SORBS2: variants seen among roughly 807,000 people sequenced by gnomAD.
SORBS2 encodes sorbin and SH3 domain containing 2.
A neutral mutation model predicts 97.7 loss-of-function variants in SORBS2; 46 were observed. The observed-to-expected ratio is 0.47, with a 90% CI of 0.37 to 0.60. The LOEUF is 0.60. Ranked by LOEUF, SORBS2 falls within the 20% of genes least tolerant of loss-of-function variation. The pLI, the probability that SORBS2 is intolerant of heterozygous loss-of-function variation, is 0.00. For missense variants in SORBS2, 1,316 were observed against 1,282.3 expected, an observed-to-expected ratio of 1.03 and a Z score of -0.40; for synonymous variants, 476 against 473.4, an observed-to-expected ratio of 1.01 and a Z score of -0.07.
chr4:185,839,481 G>A (rs1348485923), intron 1 of SORBS2, among the ~76,000 whole-genome samples: 1 of 152,164 alleles, frequency 6.6e-6, no homozygotes, highest in East Asian at 1.9e-4. Context: ...GATCTTTTCT[G>A]CTGCATTTAC....
At chr4:185,665,998 T>G in intron 4 of SORBS2, 11 of 1,286,896 alleles carry the variant, frequency 8.5e-6, no homozygotes, top group Non-Finnish European at 1.0e-5. Context: ...GGAAAGGCTC[T>G]GGGGATTATG....
intron 2 of SORBS2, chr4:185,773,880 A>G (rs1053682195): frequency 3.9e-5 from 6 of 152,150 alleles, no homozygotes; most frequent in African/African-American, 1.4e-4. Flanking sequence ...ATACATTTTT[A>G]AGAAATCCCT....
chr4:185,625,920 T>C (rs73028073), intron 6 of SORBS2, among the ~76,000 whole-genome samples: 8,265 of 152,328 alleles, frequency 0.054, 718 homozygotes, highest in African/African-American at 0.19. Context: ...TCTGGTTTTA[T>C]AGAAACTTAC....
chr4:185,855,172 C>T (rs1403759828), intron 1 of SORBS2, among the ~76,000 whole-genome samples: 1 of 152,154 alleles, frequency 6.6e-6, no homozygotes, highest in South Asian at 2.1e-4. Context: ...ACATTCTCCT[C>T]AGGATTTTAG....
chr4:185,721,747 G>A (rs146072871), intron 2 of SORBS2, among the ~76,000 whole-genome samples: 4 of 152,286 alleles, frequency 2.6e-5, no homozygotes, highest in Admixed American at 2.6e-4. Flanking sequence ...TGGAAAGAAG[G>A]GAAAACAAAA....
At chr4:185,952,130 T>C (rs2099277512) in intron 1 of SORBS2, among the ~76,000 whole-genome samples, 1 of 151,938 alleles carries the variant, frequency 6.6e-6, no homozygotes, top group Non-Finnish European at 1.5e-5. Flanking sequence ...GTTGAAGCCA[T>C]CCTCCTGCCT....
chr4:185,932,577 T>C (rs1363413573), intron 1 of SORBS2, among the ~76,000 whole-genome samples: 1 of 152,136 alleles, frequency 6.6e-6, no homozygotes, highest in Non-Finnish European at 1.5e-5. Context: ...ATTTTCTCTT[T>C]AGCCAGAGCC....
intron 1 of SORBS2, among the ~76,000 whole-genome samples, chr4:185,779,070 CTG>C (rs1169807091): frequency 6.6e-6 from 1 of 152,236 alleles, no homozygotes; most frequent in Non-Finnish European, 1.5e-5. Flanking sequence ...AAGAGAGAAT[CTG>C]GGCTCACGCT....
chr4:185,626,840 C>T (rs1199816149), exon 6 of SORBS2: 2 of 1,613,998 alleles, frequency 1.2e-6, no homozygotes, highest in Non-Finnish European at 1.7e-6. Context: ...ACCTTTTGCT[C>T]TTGATGGGGA....
chr4:185,669,243 T>C (rs2097669799), intron 4 of SORBS2, among the ~76,000 whole-genome samples: 1 of 152,214 alleles, frequency 6.6e-6, no homozygotes, highest in Non-Finnish European at 1.5e-5. Context: ...GTATCCAGGA[T>C]GTGCAAATCA....
intron 2 of SORBS2, among the ~76,000 whole-genome samples, chr4:185,765,630 A>C (rs1248098518): frequency 6.6e-6 from 1 of 152,190 alleles, no homozygotes; most frequent in Non-Finnish European, 1.5e-5. Context: ...CATGTGAGAC[A>C]AAAAAACACG....
At chr4:185,690,473 G>T in intron 2 of SORBS2, 89 bp downstream of exon 4, 1 of 700,276 alleles carries the variant, frequency 1.4e-6, no homozygotes, top group South Asian at 2.6e-5. Flanking sequence ...TCACATTTAG[G>T]ATCAGAAGAG....
At chr4:185,895,628 C>T (rs1422114329) in intron 1 of SORBS2, among the ~76,000 whole-genome samples, 1 of 152,232 alleles carries the variant, frequency 6.6e-6, no homozygotes, top group Non-Finnish European at 1.5e-5. Flanking sequence ...GTCTCAGTGT[C>T]TGTGGTCCTA....
At chr4:185,747,445 T>G (rs554267427) in intron 2 of SORBS2, among the ~76,000 whole-genome samples, 1 of 152,332 alleles carries the variant, frequency 6.6e-6, no homozygotes, top group African/African-American at 2.4e-5. Context: ...TAGTCAGTGA[T>G]CTGACTGGAA....
At chr4:185,747,421 T>A (rs2098769139) in intron 2 of SORBS2, among the ~76,000 whole-genome samples, 1 of 152,248 alleles carries the variant, frequency 6.6e-6, no homozygotes, top group Admixed American at 6.5e-5. Context: ...CGCTTGAGTG[T>A]AAGCATTAGT....
intron 1 of SORBS2, among the ~76,000 whole-genome samples, chr4:185,794,634 T>C (rs767743077): frequency 3.9e-5 from 6 of 151,982 alleles, no homozygotes; most frequent in Non-Finnish European, 8.8e-5. Flanking sequence ...AGCATCCATG[T>C]TGGATGCTTT....
chr4:185,922,952 G>A (rs1043962417), intron 1 of SORBS2, among the ~76,000 whole-genome samples: 1 of 152,172 alleles, frequency 6.6e-6, no homozygotes. Flanking sequence ...AAGTAGTTAG[G>A]ACTGTCAAGT....
intron 1 of SORBS2, among the ~76,000 whole-genome samples, chr4:185,917,920 C>A (rs1019851067): frequency 9.9e-5 from 15 of 152,160 alleles, no homozygotes; most frequent in African/African-American, 3.4e-4. Flanking sequence ...GATTGAGAAA[C>A]CCTGACTGTC....
chr4:185,687,269 C>T (rs897939308), intron 2 of SORBS2, among the ~76,000 whole-genome samples: 1 of 152,138 alleles, frequency 6.6e-6, no homozygotes, highest in Non-Finnish European at 1.5e-5. Flanking sequence ...GTCAAGCGAT[C>T]CTCCTGGCTC....
Sources: allele counts gnomAD v4.1 joint callset (sites outside exome capture counted in the v4.1 genomes callset), GRCh38; gene constraint gnomAD v4.1.1; transcripts MANE v1.5; gene names NCBI Gene and HGNC (gene_info 2026-07-23, HGNC 2026-07-21).